RBMS3: variants seen among roughly 807,000 people sequenced by gnomAD.
RBMS3 encodes RNA binding motif single stranded interacting protein 3.
RBMS3 carries 27 observed loss-of-function variants against 66.8 expected under a neutral mutation model. The observed-to-expected ratio is 0.40, with a 90% confidence interval of 0.30 to 0.56. The LOEUF (loss-of-function observed/expected upper bound fraction) is 0.56, where lower values mean the gene tolerates loss of function less well. Ranked by LOEUF, RBMS3 falls within the 20% of genes least tolerant of loss-of-function variation. The pLI, the probability that RBMS3 is intolerant of heterozygous loss-of-function variation, is 0.40. For missense variants in RBMS3, 513 were observed against 549.5 expected (o/e 0.93, Z 0.66); for synonymous variants, 188 against 183.0 (o/e 1.03, Z -0.22).
At chr3:29,975,643 A>G (rs1697534854) in intron 12 of RBMS3, among the ~76,000 whole-genome samples, 2 of 152,000 alleles carry the variant, frequency 1.3e-5, no homozygotes. Flanking sequence ...AAGAAATCAT[A>G]TAGTGAGATC....
intron 1 of RBMS3, among the ~76,000 whole-genome samples, chr3:29,384,958 T>C (rs2038945531): frequency 6.6e-6 from 1 of 152,180 alleles, no homozygotes; most frequent in African/African-American, 2.4e-5. Context: ...AGCAGAGATG[T>C]ATGATCTTAT....
intron 3 of RBMS3, among the ~76,000 whole-genome samples, chr3:29,524,728 G>A (rs1490556682): frequency 6.6e-6 from 1 of 151,938 alleles, no homozygotes; most frequent in Non-Finnish European, 1.5e-5. Flanking sequence ...ACAGGCATGA[G>A]CCATCACGAC....
Position 29,578,790 on chromosome 3 carries a change from C to CTTTTTTTTTTTTTTTTTTTT in RBMS3, c.308-8321_308-8302dup. On this transcript the variant is annotated intron_variant, in intron 3 of 14. Coordinates refer to ENST00000383767, the MANE Select transcript of RBMS3 (RefSeq NM_001003793.3). The stretch of plus-strand genomic sequence containing the variant: ...AAAGAATCACAGGTAATACATGCTT[C>CTTTTTTTTTTTTTTTTTTTT]TTTTTTTTTTTTTTTTTTTTTTGAG... 1.0e-3 allele frequency among the ~76,000 whole-genome samples: 105 copies of CTTTTTTTTTTTTTTTTTTTT among 101,058 alleles called. 3 individuals are homozygous for CTTTTTTTTTTTTTTTTTTTT. The highest frequency in any genetic ancestry group is 1.3e-3 in the African/African-American group (28 of 22,044). 66.3% of individuals were successfully genotyped at this position (101,058 alleles called of 152,430 possible). A position where few individuals can be genotyped will look rare whatever the true frequency, so the allele number is the denominator to read the frequency against.
At chr3:29,390,901 G>A (rs60461298) in intron 1 of RBMS3, 3,304 of 172,946 alleles carry the variant, frequency 0.019, 124 homozygotes, top group African/African-American at 0.071. Flanking sequence ...ACACTGCTTT[G>A]CAAGAGGAGC....
chr3:29,758,482 T>A (rs1347355290), intron 5 of RBMS3, among the ~76,000 whole-genome samples: 1 of 152,192 alleles, frequency 6.6e-6, no homozygotes, highest in African/African-American at 2.4e-5. Context: ...AATATTGTCA[T>A]CCACAGTTTC....
At chr3:29,650,023 T>A (rs575370185) in intron 4 of RBMS3, among the ~76,000 whole-genome samples, 13 of 152,236 alleles carry the variant, frequency 8.5e-5, no homozygotes, top group African/African-American at 2.9e-4. Context: ...AGGATGCAAT[T>A]GTGGTGAGCA....
At chr3:29,666,381 C>T (rs1244959963) in intron 4 of RBMS3, among the ~76,000 whole-genome samples, 1 of 152,326 alleles carries the variant, frequency 6.6e-6, no homozygotes, top group East Asian at 1.9e-4. Flanking sequence ...GGGCACAAAA[C>T]AGTGTCTGGC....
chr3:29,747,958 G>A (rs531762943), intron 5 of RBMS3, among the ~76,000 whole-genome samples: 2 of 152,102 alleles, frequency 1.3e-5, no homozygotes, highest in Admixed American at 1.3e-4. Context: ...TTGTCTGCCT[G>A]CTGCCTCTAT....
chr3:29,445,948 C>A (rs1253712104), intron 2 of RBMS3, among the ~76,000 whole-genome samples: 1 of 152,028 alleles, frequency 6.6e-6, no homozygotes, highest in Non-Finnish European at 1.5e-5. Context: ...AAATTAAGTG[C>A]ACTCATCATA....
chr3:29,749,130 T>A lies in RBMS3; in HGVS notation c.557+9253T>A, dbSNP rs142547204. ...CAAAAAGAGAACATGTATTCCAAAA[T>A]GAAAAAGGAAACCTGTTCCACTGGT... On this transcript the variant is annotated intron_variant, in intron 5 of 14. Coordinates refer to ENST00000383767, the MANE Select transcript of RBMS3 (RefSeq NM_001003793.3). 6.3e-3 allele frequency among the ~76,000 whole-genome samples: 955 copies of A among 152,216 alleles called. 3 individuals are homozygous for A. The highest frequency in any genetic ancestry group is 9.2e-3 in the Non-Finnish European group (623 of 67,986).
intron 1 of RBMS3, among the ~76,000 whole-genome samples, chr3:29,360,027 T>A (rs184723258): frequency 6.6e-6 from 1 of 152,262 alleles, no homozygotes; most frequent in Admixed American, 6.5e-5. Flanking sequence ...TTGGAAGGGT[T>A]TTTTTTGTCT....
chr3:29,701,233 C>T (rs1052431579), intron 4 of RBMS3, among the ~76,000 whole-genome samples: 22 of 151,602 alleles, frequency 1.5e-4, no homozygotes, highest in African/African-American at 4.4e-4. Context: ...GCTGAGATCG[C>T]GCCATTGCAC....
At chr3:29,681,075 G>C (rs2051465923) in intron 4 of RBMS3, among the ~76,000 whole-genome samples, 1 of 152,136 alleles carries the variant, frequency 6.6e-6, no homozygotes, top group Non-Finnish European at 1.5e-5. Context: ...ACATTACAGG[G>C]TAGCTGTGGG....
At chr3:29,693,577 A>G (rs946218278) in intron 4 of RBMS3, among the ~76,000 whole-genome samples, 2 of 152,168 alleles carry the variant, frequency 1.3e-5, no homozygotes, top group Admixed American at 1.3e-4. Flanking sequence ...CAGTTTACTT[A>G]TTTGTAAAAT....
chr3:29,648,738 A>G (rs2050036585), intron 4 of RBMS3, among the ~76,000 whole-genome samples: 1 of 152,156 alleles, frequency 6.6e-6, no homozygotes, highest in Non-Finnish European at 1.5e-5. Flanking sequence ...AACATGTCCA[A>G]ATATTTTTTT....
At chr3:29,803,782 A>G (rs1275114661) in intron 6 of RBMS3, among the ~76,000 whole-genome samples, 3 of 152,058 alleles carry the variant, frequency 2.0e-5, no homozygotes, top group Non-Finnish European at 4.4e-5. Flanking sequence ...GAAGAATAAG[A>G]AACATATTTT....
chr3:29,361,014 G>T (rs1344881948), intron 1 of RBMS3, among the ~76,000 whole-genome samples: 1 of 151,802 alleles, frequency 6.6e-6, no homozygotes. Flanking sequence ...TTGACAGTCT[G>T]TGTCTTTTAA....
intron 4 of RBMS3, among the ~76,000 whole-genome samples, chr3:29,637,581 C>T (rs2049521426): frequency 6.6e-6 from 1 of 151,798 alleles, no homozygotes; most frequent in Non-Finnish European, 1.5e-5. Context: ...ACCCAAGTTT[C>T]TATACTTTTA....
intron 4 of RBMS3, among the ~76,000 whole-genome samples, chr3:29,671,734 A>G (rs1194106224): frequency 3.3e-5 from 5 of 152,224 alleles, no homozygotes; most frequent in African/African-American, 1.2e-4. Context: ...GTTTAGAGAA[A>G]AAAGAGTAAA....
Sources: gnomAD v4.1 joint callset for allele counts (sites outside exome capture counted in the v4.1 genomes callset) on GRCh38, gnomAD v4.1.1 for gene constraint, MANE v1.5 for transcripts, NCBI Gene and HGNC (gene_info 2026-07-23, HGNC 2026-07-21) for gene names.